The following ETFB variants were observed in gnomAD, a reference collection of about 807,000 sequenced individuals.
ETFB encodes electron transfer flavoprotein subunit beta.
ETFB carries 20 observed loss-of-function variants against 25.6 expected under a neutral mutation model. The observed-to-expected ratio is 0.78, with a 90% confidence interval of 0.55 to 1.14. ETFB has a LOEUF of 1.14. Among genes scored for constraint, ETFB ranks in the 50% most tolerant of loss-of-function variants. The pLI is 0.00. For synonymous variants in ETFB, 142 were observed against 146.7 expected, an observed-to-expected ratio of 0.97 and a Z score of 0.23; for missense variants, 286 against 342.6, an observed-to-expected ratio of 0.83 and a Z score of 1.30.
intron 2 of ETFB, among the ~76,000 whole-genome samples, chr19:51,353,537 C>A (rs1328531213): frequency 0.016 from 1 of 62 alleles, no homozygotes; most frequent in Non-Finnish European, 0.038. Context: ...AGTCCGGGCC[C>A]CCATCCCCTC....
chr19:51,354,593 T>G, intron 1 of ETFB: 4 of 1,613,922 alleles, frequency 2.5e-6, no homozygotes, highest in Non-Finnish European at 3.4e-6. Flanking sequence ...GAAAGAGTGT[T>G]TCTCAAATTT....
chr19:51,363,060 C>T (rs991700652), intron 1 of ETFB, among the ~76,000 whole-genome samples: 3 of 152,282 alleles, frequency 2.0e-5, no homozygotes, highest in African/African-American at 7.2e-5. Flanking sequence ...AACATACTTT[C>T]CTCTCCCTTT....
intron 1 of ETFB, chr19:51,354,670 T>C (rs1986032551): frequency 6.2e-7 from 1 of 1,604,590 alleles, no homozygotes; most frequent in Non-Finnish European, 8.5e-7. Flanking sequence ...TATAAATACA[T>C]AATACACTGA....
chr19:51,361,891 GAC>G (rs1986241869), intron 1 of ETFB: 1 of 151,988 alleles, frequency 6.6e-6, no homozygotes, highest in Non-Finnish European at 1.5e-5. Flanking sequence ...TTTTAGTAGA[GAC>G]AGAGTTTCAC....
At chr19:51,362,204 C>CACACAT (rs60638050) in intron 1 of ETFB, among the ~76,000 whole-genome samples, 251 of 146,362 alleles carry the variant, frequency 1.7e-3, no homozygotes, top group South Asian at 3.8e-3. Context: ...CACACACACA[C>CACACAT]GAATACACTC....
intron 3 of ETFB, among the ~76,000 whole-genome samples, chr19:51,351,783 C>A (rs527302497): frequency 6.0e-4 from 91 of 152,114 alleles, no homozygotes; most frequent in African/African-American, 1.9e-3. Flanking sequence ...ACCCATCAGC[C>A]TCCTCTTTGT....
At chr19:51,347,334 T>C in intron 4 of ETFB, 2 of 479,300 alleles carry the variant, frequency 4.2e-6, no homozygotes, top group East Asian at 3.7e-5. Flanking sequence ...TACTGAGTGC[T>C]GAGCCCTGTG....
chr19:51,359,952 G>A (rs373723269), intron 1 of ETFB, among the ~76,000 whole-genome samples: 22 of 151,932 alleles, frequency 1.4e-4, no homozygotes, highest in African/African-American at 5.3e-4. Flanking sequence ...CAGGAGGGTC[G>A]AGGCTGCAGC....
intron 1 of ETFB, chr19:51,361,933 G>C (rs1986242658): frequency 1.3e-5 from 2 of 151,850 alleles, no homozygotes; most frequent in Admixed American, 1.3e-4. Context: ...TTGAACTCCT[G>C]ACCTCGTGAT....
chr19:51,358,964 A>G (rs1986153754), intron 1 of ETFB, among the ~76,000 whole-genome samples: 1 of 152,018 alleles, frequency 6.6e-6, no homozygotes, highest in South Asian at 2.1e-4. Flanking sequence ...ATGCCACTAC[A>G]TGTAACCTGG....
Position 51,366,301 on chromosome 19 carries a change from G to A in ETFB, c.26C>T (p.Ala9Val), listed in dbSNP as rs764471064. Residue 9 changes from alanine (A) to valine (V), a missense_variant, in exon 1 of 6, where the codon GCT (alanine) becomes GTT (valine). By Grantham distance (64) the Ala-to-Val change is moderately conservative (BLOSUM62 0). Coordinates refer to ENST00000309244, the MANE Select transcript of ETFB (RefSeq NM_001985.3). MAELRVLV[A>V]VKRVIDYAVK... Reference sequence around the variant, plus strand: ...GGCGTAGTCGATGACCCTCTTGACAGCTACGAGCACGCGCAGCTCCGCCAT... The same window carrying A: ...GGCGTAGTCGATGACCCTCTTGACAACTACGAGCACGCGCAGCTCCGCCAT... 6.2e-7 allele frequency: 1 copy of A among 1,613,730 alleles called. No homozygotes were observed. The highest frequency in any genetic ancestry group is 8.5e-7 in the Non-Finnish European group (1 of 1,180,012).
intron 1 of ETFB, among the ~76,000 whole-genome samples, chr19:51,357,486 C>CT (rs199903123): frequency 0.5 from 49,632 of 99,866 alleles, 14,055 homozygotes; most frequent in Non-Finnish European, 0.56. Flanking sequence ...TTTTTTCTTT[C>CT]TTTCTTTTTT....
chr19:51,351,386 CT>C (rs1476906518), intron 3 of ETFB, among the ~76,000 whole-genome samples: 8 of 152,262 alleles, frequency 5.3e-5, no homozygotes, highest in South Asian at 2.1e-4. Flanking sequence ...CCTGAAGCCC[CT>C]GATTTACGTG....
At chr19:51,354,644 T>A in intron 1 of ETFB, 1 of 1,613,426 alleles carries the variant, frequency 6.2e-7, no homozygotes, top group Non-Finnish European at 8.5e-7. Flanking sequence ...TACATTTTAC[T>A]GTATCTCCAA....
intron 5 of ETFB, 40 bp downstream of exon 5, chr19:51,346,860 C>T: frequency 6.5e-7 from 1 of 1,534,538 alleles, no homozygotes; most frequent in Non-Finnish European, 8.8e-7. Flanking sequence ...AATGTGCTTG[C>T]CACCCCCAGG....
At chr19:51,365,194 C>CA (rs1478046718) in intron 1 of ETFB, 1 of 152,012 alleles carries the variant, frequency 6.6e-6, no homozygotes, top group African/African-American at 2.4e-5. Flanking sequence ...AACTCCGTCT[C>CA]AAAAAATAAA....
chr19:51,353,232 G>T lies in ETFB; in HGVS notation c.275C>A (p.Pro92His), dbSNP rs750675545. Residue 92 changes from proline to histidine, a missense_variant, in exon 3 of 6, where the codon CCC becomes CAC. By Grantham distance (77) the Pro-to-His change is moderately conservative. Transcript: ENST00000309244. ...GADRGIHVEVPPAEAERLGPL... is the reference protein window; with the variant it reads ...GADRGIHVEVHPAEAERLGPL... ...ACCCAAGCGTTCTGCTTCTGCTGGG[G>T]GCACCTCCACGTGGATACCTCGGTC... 1 of 1,614,072 alleles carries T rather than the reference G, an allele frequency of 6.2e-7. No homozygotes were observed. The highest frequency in any genetic ancestry group is 2.2e-5 in the East Asian group (1 of 44,884).
intron 1 of ETFB, among the ~76,000 whole-genome samples, chr19:51,358,831 CA>C (rs112821668): frequency 0.31 from 41,111 of 133,690 alleles, 6,079 homozygotes; most frequent in South Asian, 0.46. Context: ...CAAACAACAA[CA>C]AAAAAAAAAA....
intron 1 of ETFB, chr19:51,361,676 A>C (rs1986230727): frequency 6.6e-6 from 1 of 150,760 alleles, no homozygotes; most frequent in African/African-American, 2.4e-5. Context: ...AATGAATACA[A>C]AATTGCCCAG....
Sources: allele counts gnomAD v4.1 joint callset (sites outside exome capture counted in the v4.1 genomes callset), GRCh38; gene constraint gnomAD v4.1.1; transcripts MANE v1.5; gene names NCBI Gene and HGNC (gene_info 2026-07-23, HGNC 2026-07-21).